Variants in IL13 observed in about 807,000 individuals in gnomAD.
The protein encoded by IL13 is interleukin-13.
A neutral mutation model predicts 11.1 loss-of-function variants in IL13; 9 were observed. That is an observed-to-expected ratio of 0.81 (90% CI 0.49 to 1.42). IL13 has a LOEUF of 1.42. IL13 is among the 40% of genes most tolerant of loss of function. IL13 has a pLI of 0.00. For missense variants in IL13, 181 were observed against 182.5 expected, an observed-to-expected ratio of 0.99 and a Z score of 0.05; for synonymous variants, 75 against 76.9, an observed-to-expected ratio of 0.97 and a Z score of 0.13.
chr5:132,660,334 C>T lies in IL13; in HGVS notation c.*52C>T. The T allele has an allele frequency of 6.3e-7, 1 of 1,592,394 alleles. No homozygotes were observed. The highest frequency in any genetic ancestry group is 1.1e-5 in the South Asian group (1 of 88,540). On this transcript the variant is annotated 3_prime_UTR_variant, in exon 4 of 4. Transcript: ENST00000304506. ...AGACAGGACCTGACTATTGAAGTTG[C>T]AGATTCATTTTTCTTTCTGATGTCA...
Position 132,659,373 on chromosome 5 carries a change from A to G in IL13, c.175-45A>G. ...TGGCCTGGGCTGCCAGGGCAGGCCC[A>G]CAACCCCTGCCAGCACTCTGCTCAC... On this transcript the variant is annotated intron_variant, in intron 1 of 3. Transcript: ENST00000304506. This position sits in a 1 kb window ranked among gnomAD's most constrained non-coding sequence, Gnocchi z 4.1. 6.7e-7 allele frequency: 1 copy of G among 1,484,674 alleles called. No homozygotes were observed. The highest frequency in any genetic ancestry group is 9.3e-7 in the Non-Finnish European group (1 of 1,076,880). The allele number at this position is 1,484,674 out of a possible 1,614,324, so 92.0% of individuals were successfully genotyped here.
In IL13 at chr5:132,660,231, G is replaced by C; in HGVS notation, c.390G>C (p.Lys130Asn). ...DTKIEVAQFVKDLLLHLKKLF... is the reference protein window; with the variant it reads ...DTKIEVAQFVNDLLLHLKKLF... The stretch of plus-strand genomic sequence containing the variant: ...AAATCGAGGTGGCCCAGTTTGTAAA[G>C]GACCTGCTCTTACATTTAAAGAAAC... Residue 130 changes from lysine (K) to asparagine (N), a missense_variant, in exon 4 of 4, where the codon AAG becomes AAC. Physicochemically the swap from Lys to Asn is moderately conservative, Grantham distance 94. Transcript: ENST00000304506. 3.1e-6 allele frequency: 5 copies of C among 1,614,178 alleles called. No individual in the cohort carries two copies. Among genetic ancestry groups the C allele is most frequent in the Non-Finnish European group, 3.4e-6 (4 of 1,180,026 alleles).
Position 132,660,284 on chromosome 5 carries a change from A to G in IL13, c.*2A>G, listed in dbSNP as rs1278764592. The G allele has an allele frequency of 6.2e-7, 1 of 1,613,560 alleles. No individual in the cohort carries two copies. Among genetic ancestry groups the G allele is most frequent in the South Asian group, 1.1e-5 (1 of 91,008 alleles). On this transcript the variant is annotated 3_prime_UTR_variant, in exon 4 of 4. Coordinates refer to ENST00000304506, the MANE Select transcript of IL13 (RefSeq NM_002188.3). ...TTTCGCGAGGGACAGTTCAACTGAA[A>G]CTTCGAAAGCATCATTATTTGCAGA...
At position 132,660,516 on chromosome 5, in the gene IL13, TC is replaced by T. The variant is rs1215277578; in HGVS notation, c.*235del. The T allele has an allele frequency of 7.4e-6, 4 of 544,120 alleles. No homozygotes were observed. The highest frequency in any genetic ancestry group is 1.2e-5 in the Non-Finnish European group (4 of 322,780). The allele number at this position is 544,120 out of a possible 1,614,324, so 33.7% of individuals were successfully genotyped here. On this transcript the variant is annotated 3_prime_UTR_variant, in exon 4 of 4. Transcript: ENST00000304506. ...GCCTCCTCTGTCCAGGGCCCTGAGC[TC>T]GGTGGACCCAGGGATGACATGTCCC...
intron 1 of IL13, chr5:132,658,628 C>G (rs1052144552): frequency 4.9e-6 from 2 of 410,652 alleles, no homozygotes; most frequent in Admixed American, 4.1e-5. Flanking sequence ...CCAGCTCCTA[C>G]TCAGCCATTC....
chr5:132,659,510 TC>T lies in IL13; in HGVS notation c.228+41del. The T allele has an allele frequency of 1.3e-6, 2 of 1,587,378 alleles. No individual in the cohort carries two copies. Among genetic ancestry groups the T allele is most frequent in the Non-Finnish European group, 1.7e-6 (2 of 1,158,528 alleles). The stretch of plus-strand genomic sequence containing the variant: ...GGTGCAGGGAGGATGGGGCAGAGGC[TC>T]CAGGCCTTGGGCTTATCTTCTCTGA... On this transcript the variant is annotated intron_variant, in intron 2 of 3. Transcript: ENST00000304506. This position sits in a 1 kb window ranked among gnomAD's most constrained non-coding sequence, Gnocchi z 4.1.
chr5:132,660,059 AC>A, intron 3 of IL13, 115 bp from the exon 4 acceptor site: 1 of 1,245,142 alleles, frequency 8.0e-7, no homozygotes. Context: ...AACAGTACCC[AC>A]CTCATGGGGA....
At position 132,659,351 on chromosome 5, in the gene IL13, C is replaced by G; in HGVS notation, c.175-67C>G. Reference sequence around the variant, plus strand: ...GGGGCCTGTGCTGGGGCAGACCTGGCCTGGGCTGCCAGGGCAGGCCCACAA... The same window carrying G: ...GGGGCCTGTGCTGGGGCAGACCTGGGCTGGGCTGCCAGGGCAGGCCCACAA... On this transcript the variant is annotated intron_variant, in intron 1 of 3. Transcript: ENST00000304506. This position sits in a 1 kb window ranked among gnomAD's most constrained non-coding sequence, Gnocchi z 4.1. 2 of 1,181,578 alleles carry G rather than the reference C, an allele frequency of 1.7e-6. No individual in the cohort carries two copies. Among genetic ancestry groups the G allele is most frequent in the Non-Finnish European group, 2.5e-6 (2 of 805,492 alleles). 73.2% of individuals were successfully genotyped at this position (1,181,578 alleles called of 1,614,324 possible). A position where few individuals can be genotyped will look rare whatever the true frequency, so the allele number is the denominator to read the frequency against.
upstream of IL13, among the ~76,000 whole-genome samples, chr5:132,657,873 G>T (rs1752068732): frequency 6.6e-6 from 1 of 152,126 alleles, no homozygotes; most frequent in African/African-American, 2.4e-5. Context: ...GGTACTCAGG[G>T]TTGTCACAGG....
Position 132,659,688 on chromosome 5 carries a change from A to G in IL13, c.229-36A>G, listed in dbSNP as rs771386711. ...CAGACTCACAAAAGGCAGCTGCCCAAGCAGGGCCTGACCCCTCGGTGTCCC... is the reference window on the plus strand; with the variant it reads ...CAGACTCACAAAAGGCAGCTGCCCAGGCAGGGCCTGACCCCTCGGTGTCCC... On this transcript the variant is annotated intron_variant, in intron 2 of 3. Coordinates refer to ENST00000304506, the MANE Select transcript of IL13 (RefSeq NM_002188.3). This position sits in a 1 kb window ranked among gnomAD's most constrained non-coding sequence, Gnocchi z 4.1. 6.2e-7 allele frequency: 1 copy of G among 1,607,794 alleles called. No individual in the cohort carries two copies. Among genetic ancestry groups the G allele is most frequent in the Admixed American group, 1.7e-5 (1 of 59,854 alleles).
At position 132,658,259 on chromosome 5, in the gene IL13, C is replaced by G. The variant is rs1752076590; in HGVS notation, c.73C>G (p.Leu25Val). The G allele has an allele frequency of 6.2e-7, 1 of 1,610,082 alleles. No individual in the cohort carries two copies. The highest frequency in any genetic ancestry group is 8.5e-7 in the Non-Finnish European group (1 of 1,176,278). The change falls in exon 1 of 4, where the codon CTC becomes GTC. Residue 25 changes from leucine to valine, a missense_variant. Coordinates refer to ENST00000304506, the MANE Select transcript of IL13 (RefSeq NM_002188.3). ...GCTTTTGTTGACCACGGTCATTGCT[C>G]TCACTTGCCTTGGCGGCTTTGCCTC... ...MALLLTTVIA[L>V]TCLGGFASPG...
Position 132,660,997 on chromosome 5 carries a change from G to C in IL13, c.*715G>C, listed in dbSNP as rs1174010299. ...TTCCTTGTATTTAAATATTAAATATGTTAGCAAAGAGTTAATATATAGAAG... is the reference window on the plus strand; with the variant it reads ...TTCCTTGTATTTAAATATTAAATATCTTAGCAAAGAGTTAATATATAGAAG... On this transcript the variant is annotated 3_prime_UTR_variant, in exon 4 of 4. Coordinates refer to ENST00000304506, the MANE Select transcript of IL13 (RefSeq NM_002188.3). The C allele has an allele frequency of 6.5e-6, 1 of 152,808 alleles. No individual in the cohort carries two copies. The highest frequency in any genetic ancestry group is 3.4e-3 in the Middle Eastern group (1 of 294). The allele number at this position is 152,808 out of a possible 1,614,324, so 9.5% of individuals were successfully genotyped here.
At chr5:132,660,099 C>A in intron 3 of IL13, 76 bp from the exon 4 acceptor site, 1 of 1,466,510 alleles carries the variant, frequency 6.8e-7, no homozygotes, top group South Asian at 1.2e-5. Flanking sequence ...GAGACAGTCC[C>A]TGGAAAGCCC....
upstream of IL13, chr5:132,656,768 G>C (rs1055337831): frequency 6.5e-6 from 1 of 153,468 alleles, no homozygotes; most frequent in African/African-American, 2.4e-5. Context: ...GCCCTCGAGG[G>C]GAAGGGGCAG....
Position 132,659,421 on chromosome 5 carries a change from C to T in IL13, c.178C>T (p.Pro60Ser). The T allele has an allele frequency of 6.2e-7, 1 of 1,608,500 alleles. No homozygotes were observed. The change falls in exon 2 of 4, where the codon CCG becomes TCG. Residue 60 changes from proline to serine, a missense_variant. Physicochemically the swap from Pro to Ser is moderately conservative, Grantham distance 74 (BLOSUM62 -1). Transcript: ENST00000304506. This position sits in a 1 kb window ranked among gnomAD's most constrained non-coding sequence, Gnocchi z 4.1. ...CACTGTCACTTTGCTCCCACAGGCT[C>T]CGCTCTGCAATGGCAGCATGGTATG... ...LVNITQNQKAPLCNGSMVWSI... is the reference protein window; with the variant it reads ...LVNITQNQKASLCNGSMVWSI...
At position 132,660,448 on chromosome 5, in the gene IL13, A is replaced by G; in HGVS notation, c.*166A>G. ...AGCCTGTGCTGCCCGTCTTCAGCCT[A>G]GCCGACCTCAGCCTTCCCCTTGCCC... On this transcript the variant is annotated 3_prime_UTR_variant, in exon 4 of 4. Coordinates refer to ENST00000304506, the MANE Select transcript of IL13 (RefSeq NM_002188.3). 1.7e-6 allele frequency: 2 copies of G among 1,184,266 alleles called. No individual in the cohort carries two copies. Among genetic ancestry groups the G allele is most frequent in the Non-Finnish European group, 2.3e-6 (2 of 880,092 alleles). The allele number at this position is 1,184,266 out of a possible 1,614,324, so 73.4% of individuals were successfully genotyped here. A position where few individuals can be genotyped will look rare whatever the true frequency, so the allele number is the denominator to read the frequency against.
upstream of IL13, among the ~76,000 whole-genome samples, chr5:132,657,672 T>A (rs1391061034): frequency 6.6e-6 from 1 of 152,188 alleles, no homozygotes; most frequent in African/African-American, 2.4e-5. Flanking sequence ...ATTGCCTGTT[T>A]GAATTTTGTA....
intron 1 of IL13, 132 bp downstream of exon 1, chr5:132,658,492 C>G: frequency 1.7e-6 from 1 of 586,442 alleles, no homozygotes; most frequent in Non-Finnish European, 3.0e-6. Flanking sequence ...GGACCAAGGC[C>G]CGGCCCAGCC....
At position 132,660,437 on chromosome 5, in the gene IL13, G is replaced by A. The variant is rs200196698; in HGVS notation, c.*155G>A. 2.5e-5 allele frequency: 32 copies of A among 1,288,906 alleles called. No individual in the cohort carries two copies. In the East Asian group the frequency reaches 4.3e-4, roughly 17 times the overall value. 79.8% of individuals were successfully genotyped at this position (1,288,906 alleles called of 1,614,324 possible). A position where few individuals can be genotyped will look rare whatever the true frequency, so the allele number is the denominator to read the frequency against. ...GCTTAGACCTCAGCCTGTGCTGCCCGTCTTCAGCCTAGCCGACCTCAGCCT... is the reference window on the plus strand; with the variant it reads ...GCTTAGACCTCAGCCTGTGCTGCCCATCTTCAGCCTAGCCGACCTCAGCCT... On this transcript the variant is annotated 3_prime_UTR_variant, in exon 4 of 4. Coordinates refer to ENST00000304506, the MANE Select transcript of IL13 (RefSeq NM_002188.3).
Sources: allele counts gnomAD v4.1 joint callset (sites outside exome capture counted in the v4.1 genomes callset), GRCh38; gene constraint gnomAD v4.1.1; non-coding constraint Gnocchi (gnomAD v3.1); transcripts MANE v1.5; gene names NCBI Gene and HGNC (gene_info 2026-07-23, HGNC 2026-07-21).